ATXN10: variants seen among roughly 807,000 people sequenced by gnomAD.
ATXN10 encodes the protein ataxin-10.
In ATXN10, 28 loss-of-function variants were observed where a neutral mutation model predicts 52.9. The ratio of observed to expected loss-of-function variants is 0.53; its 90% CI spans 0.39 to 0.73. The LOEUF is 0.73. ATXN10 is among the 30% of genes least tolerant of loss of function. The probability of loss-of-function intolerance (pLI) is 0.00; values close to 1 mark genes in which losing one functional copy is unlikely to be tolerated. For synonymous variants in ATXN10, 226 were observed against 221.5 expected, an observed-to-expected ratio of 1.02 and a Z score of -0.18; for missense variants, 565 against 577.0, an observed-to-expected ratio of 0.98 and a Z score of 0.21.
chr22:45,735,187 T>G (rs1399674547), intron 7 of ATXN10, among the ~76,000 whole-genome samples: 2 of 152,124 alleles, frequency 1.3e-5, no homozygotes, highest in African/African-American at 4.8e-5. Flanking sequence ...CCAGGTTGTA[T>G]TTTAATATAA....
rs924884453 is a variant in ATXN10 at position 45,762,504 on chromosome 22, C to T, written c.1173+21966C>T. ...CCCTAGCCGAACCTGTGTCTGCACA[C>T]CTGTTGTGTCTTCCTGGGAGGCTCC... is the stretch of plus-strand genomic sequence containing the variant. On this transcript the variant is annotated intron_variant, in intron 9 of 11. Transcript: ENST00000252934. This position sits in a 1 kb window ranked among gnomAD's most constrained non-coding sequence, Gnocchi z 4.3. Among the ~76,000 whole-genome samples, 46 of 152,190 alleles carry T rather than the reference C, an allele frequency of 3.0e-4. No individual in the cohort carries two copies. Among genetic ancestry groups the T allele is most frequent in the African/African-American group, 9.6e-4 (40 of 41,454 alleles).
intron 10 of ATXN10, among the ~76,000 whole-genome samples, chr22:45,832,437 A>G (rs1929024516): frequency 6.6e-6 from 1 of 152,156 alleles, no homozygotes; most frequent in East Asian, 1.9e-4. Flanking sequence ...TCTGATGTTA[A>G]TTCCTCAGAG....
intron 10 of ATXN10, among the ~76,000 whole-genome samples, chr22:45,827,226 C>T (rs558976045): frequency 1.6e-3 from 246 of 150,078 alleles, no homozygotes; most frequent in Non-Finnish European, 2.8e-3. Context: ...CATTTCAGTA[C>T]AAAAAATAAA....
chr22:45,818,151 G>A lies in ATXN10; in HGVS notation c.1237+11129G>A, dbSNP rs940312703. Among the ~76,000 whole-genome samples the A allele has an allele frequency of 7.2e-5, 11 of 152,174 alleles. No individual in the cohort carries two copies. Among genetic ancestry groups the A allele is most frequent in the Non-Finnish European group, 1.5e-4 (10 of 68,032 alleles). ...TCAGGTTTTGTCTACTCAGCTTTTGGTTTTGTGCCTCTCATTTTCTTACAC... is the reference window on the plus strand; with the variant it reads ...TCAGGTTTTGTCTACTCAGCTTTTGATTTTGTGCCTCTCATTTTCTTACAC... On this transcript the variant is annotated intron_variant, in intron 10 of 11. Transcript: ENST00000252934. This position sits in a 1 kb window ranked among gnomAD's most constrained non-coding sequence, Gnocchi z 4.6.
At chr22:45,702,950 A>G (rs1923898081) in intron 5 of ATXN10, 103 bp downstream of exon 5, 5 of 1,418,710 alleles carry the variant, frequency 3.5e-6, no homozygotes, top group Non-Finnish European at 5.0e-6. Flanking sequence ...TAATTGAACG[A>G]TAAGTTAAAA....
rs906652729 is a variant in ATXN10, at chr22:45,781,136, G to A, written c.1174-25823G>A. Reference sequence around the variant, plus strand: ...GTGCCCTATTTCAGCCAAACACCACGGAAAAGAATGTGGCCCCAGCCCACC... The same window carrying A: ...GTGCCCTATTTCAGCCAAACACCACAGAAAAGAATGTGGCCCCAGCCCACC... On this transcript the variant is annotated intron_variant, in intron 9 of 11. Transcript: ENST00000252934. This position sits in a 1 kb window ranked among gnomAD's most constrained non-coding sequence, Gnocchi z 4.2. Among the ~76,000 whole-genome samples the A allele has an allele frequency of 2.0e-5, 3 of 152,180 alleles. No homozygotes were observed. The highest frequency in any genetic ancestry group is 1.9e-4 in the East Asian group (1 of 5,194).
chr22:45,826,834 G>A lies in ATXN10; in HGVS notation c.1238-16157G>A, dbSNP rs2146905708. Among the ~76,000 whole-genome samples the A allele has an allele frequency of 6.6e-6, 1 of 152,260 alleles. No homozygotes were observed. The highest frequency in any genetic ancestry group is 3.4e-3 in the Middle Eastern group (1 of 294). ...AGAAGACAACAGACAGTAACTTGAT[G>A]CTATATGAAGAAATAAAGATCTCAA... is the stretch of plus-strand genomic sequence containing the variant. On this transcript the variant is annotated intron_variant, in intron 10 of 11. Coordinates refer to ENST00000252934, the MANE Select transcript of ATXN10 (RefSeq NM_013236.4). This position sits in a 1 kb window ranked among gnomAD's most constrained non-coding sequence, Gnocchi z 5.0.
At chr22:45,765,810 C>T (rs1187649336) in intron 9 of ATXN10, among the ~76,000 whole-genome samples, 1 of 152,130 alleles carries the variant, frequency 6.6e-6, no homozygotes, top group Non-Finnish European at 1.5e-5. Flanking sequence ...GATGGCATTT[C>T]TCCTTACATT....
intron 5 of ATXN10, among the ~76,000 whole-genome samples, chr22:45,709,901 G>A (rs1924180155): frequency 1.3e-5 from 2 of 152,140 alleles, no homozygotes; most frequent in Non-Finnish European, 2.9e-5. Flanking sequence ...TGGAACCTGA[G>A]TCCTGATTTT....
At chr22:45,813,147 C>G (rs1427609243) in intron 10 of ATXN10, among the ~76,000 whole-genome samples, 1 of 152,190 alleles carries the variant, frequency 6.6e-6, no homozygotes, top group Non-Finnish European at 1.5e-5. Context: ...AGTAATGACA[C>G]AGTAGCCAAT....
At chr22:45,771,199 G>A (rs1342402328) in intron 9 of ATXN10, among the ~76,000 whole-genome samples, 1 of 152,136 alleles carries the variant, frequency 6.6e-6, no homozygotes, top group African/African-American at 2.4e-5. Flanking sequence ...CAACCCAAAT[G>A]TTCTTTAATG....
rs1555890579 is a variant in ATXN10, at chr22:45,727,331, A to ATC, written c.729-2093_729-2092insCT. Among the ~76,000 whole-genome samples the ATC allele has an allele frequency of 4.0e-4, 59 of 146,792 alleles. No individual in the cohort carries two copies. Among genetic ancestry groups the ATC allele is most frequent in the Admixed American group, 6.8e-4 (10 of 14,608 alleles). ...GTTCTGTCTGTCTGTCTATCTATCT[A>ATC]TATCTATCTATCTATCTATCTATCT... is the stretch of plus-strand genomic sequence containing the variant. On this transcript the variant is annotated intron_variant, in intron 6 of 11. Transcript: ENST00000252934. This position sits in a 1 kb window ranked among gnomAD's most constrained non-coding sequence, Gnocchi z 4.6.
At chr22:45,814,861 T>C (rs1224747627) in intron 10 of ATXN10, among the ~76,000 whole-genome samples, 3 of 152,170 alleles carry the variant, frequency 2.0e-5, no homozygotes. Context: ...GAGCTGCACA[T>C]GTGAGGGATC....
At chr22:45,796,326 G>A (rs2063617799) in intron 9 of ATXN10, among the ~76,000 whole-genome samples, 1 of 152,180 alleles carries the variant, frequency 6.6e-6, no homozygotes, top group Admixed American at 6.5e-5. Context: ...GTTTATCAAT[G>A]ACAGTGTGTG....
In ATXN10 at chr22:45,766,052, A is replaced by G. The variant is rs374704142; in HGVS notation, c.1173+25514A>G. On this transcript the variant is annotated intron_variant, in intron 9 of 11. Transcript: ENST00000252934. The surrounding 1 kb of genome is among the most constrained non-coding windows in gnomAD (Gnocchi z 4.6). The stretch of plus-strand genomic sequence containing the variant: ...GACAGGCTAATGGGGCACAGTAGAA[A>G]AATGCAGAAATAGATTCAAATGTTT... 6.6e-6 allele frequency among the ~76,000 whole-genome samples: 1 copy of G among 152,220 alleles called. No individual in the cohort carries two copies. Among genetic ancestry groups the G allele is most frequent in the East Asian group, 1.9e-4 (1 of 5,202 alleles).
chr22:45,739,637 C>T (rs953171604), intron 8 of ATXN10, among the ~76,000 whole-genome samples: 21 of 152,286 alleles, frequency 1.4e-4, no homozygotes, highest in Middle Eastern at 3.4e-3. Flanking sequence ...AGTTTGGAGC[C>T]AGGGTCGATG....
At chr22:45,797,014 G>T (rs181000426) in intron 9 of ATXN10, among the ~76,000 whole-genome samples, 1 of 152,254 alleles carries the variant, frequency 6.6e-6, no homozygotes. Context: ...TGATTAAAGG[G>T]TCAGTTCATC....
At chr22:45,711,766 A>C (rs1413857569) in intron 5 of ATXN10, among the ~76,000 whole-genome samples, 1 of 152,202 alleles carries the variant, frequency 6.6e-6, no homozygotes, top group South Asian at 2.1e-4. Context: ...TAGGATGTGC[A>C]CTGCTTAAAA....
rs56195245 is a variant in ATXN10 at position 45,819,192 on chromosome 22, AAATAGAATAGAATAGAATAG to A, written c.1237+12211_1237+12230del. ...TCTGTAGTATGAAGAATAGAATAGA[AAATAGAATAGAATAGAATAG>A]AATAGAATAGAATAGAATAGAATAG... On this transcript the variant is annotated intron_variant, in intron 10 of 11. Transcript: ENST00000252934. This position sits in a 1 kb window ranked among gnomAD's most constrained non-coding sequence, Gnocchi z 4.5. Among the ~76,000 whole-genome samples, 49,041 of 147,484 alleles carry A rather than the reference AAATAGAATAGAATAGAATAG, an allele frequency of 0.33. 8,373 individuals are homozygous for A. Among genetic ancestry groups the A allele is most frequent in the Middle Eastern group, 0.42 (123 of 290 alleles).
Sources: gnomAD v4.1 joint callset for allele counts (sites outside exome capture counted in the v4.1 genomes callset) on GRCh38, gnomAD v4.1.1 for gene constraint, Gnocchi (gnomAD v3.1) non-coding constraint, MANE v1.5 for transcripts, NCBI Gene and HGNC (gene_info 2026-07-23, HGNC 2026-07-21) for gene names.